Variants in USP32 observed in about 807,000 individuals in gnomAD.
USP32 encodes ubiquitin specific peptidase 32.
In USP32, 59 loss-of-function variants were observed where a neutral mutation model predicts 204.8. The ratio of observed to expected loss-of-function variants is 0.29; its 90% confidence interval spans 0.23 to 0.36. The LOEUF (loss-of-function observed/expected upper bound fraction) is 0.36, where lower values mean the gene tolerates loss of function less well. Ranked by LOEUF, USP32 falls within the 10% of genes least tolerant of loss-of-function variation. USP32 has a pLI of 1.00. For missense variants in USP32, 1,160 were observed against 1,946.4 expected, an observed-to-expected ratio of 0.60 and a Z score of 7.60; for synonymous variants, 517 against 678.4, an observed-to-expected ratio of 0.76 and a Z score of 3.70.
At chr17:60,210,885 G>C in intron 21 of USP32, 128 bp downstream of exon 21, 1 of 1,423,518 alleles carries the variant, frequency 7.0e-7, no homozygotes, top group African/African-American at 1.4e-5. Context: ...TTGACCTTTT[G>C]TTTATACCAA....
rs557665049 is a variant in USP32, at chr17:60,366,145, GTTTT to G, written c.59-20541_59-20538del. 1.3e-3 allele frequency among the ~76,000 whole-genome samples: 192 copies of G among 150,288 alleles called. 1 individual carries two copies. In the Middle Eastern group the frequency reaches 0.014, roughly 11 times the overall value. Reference sequence around the variant, plus strand: ...GGCATGTGACACCACGCCGGGCTAAGTTTTTTTTCTTTTTTCTTTTTTCTTTTTT... The same window carrying G: ...GGCATGTGACACCACGCCGGGCTAAGTTTTCTTTTTTCTTTTTTCTTTTTT... On this transcript the variant is annotated intron_variant, in intron 1 of 33. Coordinates refer to ENST00000300896, the MANE Select transcript of USP32 (RefSeq NM_032582.4).
chr17:60,273,541 C>T (rs1391876635), intron 5 of USP32, among the ~76,000 whole-genome samples: 1 of 152,134 alleles, frequency 6.6e-6, no homozygotes, highest in Non-Finnish European at 1.5e-5. Flanking sequence ...AAATAAAACA[C>T]AAGTTCCTTT....
chr17:60,404,930 A>C (rs1292350509), intron 1 of USP32, among the ~76,000 whole-genome samples: 1 of 152,158 alleles, frequency 6.6e-6, no homozygotes, highest in Non-Finnish European at 1.5e-5. Context: ...TAATCCCAGC[A>C]CTTTGGGAGG....
chr17:60,315,382 G>A (rs113591501), intron 2 of USP32, among the ~76,000 whole-genome samples: 67 of 152,144 alleles, frequency 4.4e-4, no homozygotes, highest in African/African-American at 1.5e-3. Flanking sequence ...ACTCCAGCCT[G>A]GGCGACAGAG....
At chr17:60,283,971 G>C (rs947553076) in intron 5 of USP32, among the ~76,000 whole-genome samples, 4 of 152,058 alleles carry the variant, frequency 2.6e-5, no homozygotes, top group South Asian at 2.1e-4. Context: ...GGTGGTAAAA[G>C]GGGAACAGTA....
At chr17:60,346,355 C>A (rs140207573) in intron 1 of USP32, among the ~76,000 whole-genome samples, 1 of 152,216 alleles carries the variant, frequency 6.6e-6, no homozygotes, top group East Asian at 1.9e-4. Context: ...AAGCTAAATG[C>A]CACTGGATTC....
At chr17:60,415,838 GTTTA>G (rs2090056919) in intron 1 of USP32, among the ~76,000 whole-genome samples, 1 of 151,860 alleles carries the variant, frequency 6.6e-6, no homozygotes. Flanking sequence ...TGTTTTTTTT[GTTTA>G]TTTGTTTGTT....
At chr17:60,326,580 T>C (rs2088244712) in intron 2 of USP32, among the ~76,000 whole-genome samples, 2 of 152,210 alleles carry the variant, frequency 1.3e-5, no homozygotes, top group Non-Finnish European at 2.9e-5. Context: ...ATTAAAGGCA[T>C]GAGCCACTGT....
intron 16 of USP32, among the ~76,000 whole-genome samples, chr17:60,218,753 C>T (rs2085168320): frequency 1.3e-5 from 2 of 152,148 alleles, no homozygotes; most frequent in African/African-American, 4.8e-5. Context: ...ACAGCACCAC[C>T]ACGCCCAGCT....
At position 60,219,696 on chromosome 17, in the gene USP32, T is replaced by C. The variant is rs756183785; in HGVS notation, c.1841A>G (p.Gln614Arg). Reference protein sequence around the residue: ...FLRQQPATRTQQSNIWVNMGN... With the variant: ...FLRQQPATRTRQSNIWVNMGN... The stretch of plus-strand genomic sequence containing the variant: ...CATATTCACCCAGATGTTAGACTGC[T>C]GTGTCCGAGTGGCAGGCTGCTGTCT... The change falls in exon 16 of 34, where the codon CAG (glutamine) becomes CGG (arginine). Residue 614 changes from glutamine (Q) to arginine (R), a missense_variant. Coordinates refer to ENST00000300896, the MANE Select transcript of USP32 (RefSeq NM_032582.4). 7 of 1,612,692 alleles carry C rather than the reference T, an allele frequency of 4.3e-6. No individual in the cohort carries two copies. Among genetic ancestry groups the C allele is most frequent in the Non-Finnish European group, 5.1e-6 (6 of 1,179,508 alleles).
chr17:60,335,803 G>C (rs1301919213), intron 2 of USP32, among the ~76,000 whole-genome samples: 1 of 143,030 alleles, frequency 7.0e-6, no homozygotes, highest in African/African-American at 3.0e-5. Flanking sequence ...TTTTGTTGAA[G>C]GTTACACAGA....
intron 3 of USP32, among the ~76,000 whole-genome samples, chr17:60,296,083 G>A (rs1285783011): frequency 1.3e-5 from 2 of 152,020 alleles, no homozygotes; most frequent in Non-Finnish European, 2.9e-5. Context: ...GATCATGAAG[G>A]GATACAAAGA....
At chr17:60,233,875 C>T (rs2085639720) in intron 12 of USP32, among the ~76,000 whole-genome samples, 1 of 152,148 alleles carries the variant, frequency 6.6e-6, no homozygotes, top group Non-Finnish European at 1.5e-5. Context: ...AATTCCCATA[C>T]TCTGCCTCCT....
chr17:60,272,321 A>G (rs1445444873), intron 5 of USP32, among the ~76,000 whole-genome samples: 2 of 152,246 alleles, frequency 1.3e-5, no homozygotes, highest in African/African-American at 4.8e-5. Context: ...CCTATGTGAT[A>G]GCAATAGCAA....
chr17:60,321,871 CTTT>C (rs61115566), intron 2 of USP32, among the ~76,000 whole-genome samples: 5 of 139,850 alleles, frequency 3.6e-5, no homozygotes, highest in Admixed American at 7.3e-5. Flanking sequence ...AATCAGATGG[CTTT>C]TTTTTTTTTT....
At chr17:60,243,016 TC>T (rs2085920053) in intron 11 of USP32, among the ~76,000 whole-genome samples, 1 of 152,248 alleles carries the variant, frequency 6.6e-6, no homozygotes, top group African/African-American at 2.4e-5. Context: ...ACGTACATTT[TC>T]TTAAATTTCT....
chr17:60,368,329 A>G (rs1318997238), intron 1 of USP32, among the ~76,000 whole-genome samples: 1 of 152,184 alleles, frequency 6.6e-6, no homozygotes, highest in Non-Finnish European at 1.5e-5. Context: ...TACACATTAG[A>G]TTGCTTTTTA....
At chr17:60,417,842 G>T (rs8065124) in intron 1 of USP32, among the ~76,000 whole-genome samples, 27,854 of 150,442 alleles carry the variant, frequency 0.19, 5,990 homozygotes, top group African/African-American at 0.53. Context: ...CAGGCTGGAG[G>T]GCAGTGGCAC....
chr17:60,370,527 G>A (rs1431089753), intron 1 of USP32, among the ~76,000 whole-genome samples: 8 of 151,842 alleles, frequency 5.3e-5, no homozygotes, highest in Non-Finnish European at 8.8e-5. Context: ...TTGGGAGGCC[G>A]AGGCGGGAGG....
Sources: gnomAD v4.1 joint callset for allele counts (sites outside exome capture counted in the v4.1 genomes callset) on GRCh38, gnomAD v4.1.1 for gene constraint, MANE v1.5 for transcripts, NCBI Gene and HGNC (gene_info 2026-07-23, HGNC 2026-07-21) for gene names.